Variants in RAI14 observed in about 807,000 individuals in gnomAD.
RAI14 encodes retinoic acid induced 14.
In RAI14, 45 loss-of-function variants were observed where a neutral mutation model predicts 115.4. That is an observed-to-expected ratio of 0.39 (90% CI 0.31 to 0.50). The LOEUF (loss-of-function observed/expected upper bound fraction) is 0.50. Among genes scored for constraint, RAI14 ranks in the 20% least tolerant of loss-of-function variants. The pLI is 0.85. For synonymous variants in RAI14, 371 were observed against 415.4 expected, an observed-to-expected ratio of 0.89 and a Z score of 1.30; for missense variants, 939 against 1,131.2, an observed-to-expected ratio of 0.83 and a Z score of 2.44.
Position 34,805,951 on chromosome 5 carries a change from G to A in RAI14, c.322-1849G>A, listed in dbSNP as rs1177727141. On this transcript the variant is annotated intron_variant, in intron 5 of 17. Transcript: ENST00000265109. The stretch of plus-strand genomic sequence containing the variant: ...CTGTGTTTCTTGGGCACTGTGCACC[G>A]TGTCAAGCAGTGACAAACAGCAGCC... Among the ~76,000 whole-genome samples the A allele has an allele frequency of 2.6e-5, 4 of 152,274 alleles. No individual in the cohort carries two copies. The East Asian group carries it at 5.8e-4, about 22-fold the overall frequency.
intron 2 of RAI14, among the ~76,000 whole-genome samples, chr5:34,724,902 T>C (rs1412627849): frequency 6.6e-6 from 1 of 152,202 alleles, no homozygotes; most frequent in African/African-American, 2.4e-5. Flanking sequence ...TAAATTGAAG[T>C]TGCTTTTCTA....
Position 34,757,404 on chromosome 5 carries a change from CTGCTGGTCAGTGCGGCTGT to C in RAI14, c.37-63_37-45del, listed in dbSNP as rs376336381. 7.8e-4 allele frequency: 1,237 copies of C among 1,587,200 alleles called. 7 individuals carry two copies. The African/African-American group carries it at 0.015, about 19-fold the overall frequency. ...GGTGGGGGCTGCGAGGACTGCAGCC[CTGCTGGTCAGTGCGGCTGT>C]GGCCAGTGTTGTTCATGACCTCTGT... On this transcript the variant is annotated intron_variant, in intron 2 of 17. Transcript: ENST00000265109.
At chr5:34,672,391 G>C (rs193247261) in intron 1 of RAI14, among the ~76,000 whole-genome samples, 2 of 152,050 alleles carry the variant, frequency 1.3e-5, no homozygotes, top group East Asian at 1.9e-4. Context: ...GTGGGGTGTG[G>C]GGGGGGAGCA....
At chr5:34,664,732 A>G (rs1022262357) in intron 1 of RAI14, among the ~76,000 whole-genome samples, 15 of 151,574 alleles carry the variant, frequency 9.9e-5, no homozygotes, top group Non-Finnish European at 1.6e-4. Context: ...CCTGAGCAGT[A>G]TACGCTGCAT....
rs181035955 is a variant in RAI14, at chr5:34,670,142, A to G, written c.-49+13667A>G. Among the ~76,000 whole-genome samples, 14 of 152,376 alleles carry G rather than the reference A, an allele frequency of 9.2e-5. No individual in the cohort carries two copies. The East Asian group carries it at 2.1e-3, about 23-fold the overall frequency. On this transcript the variant is annotated intron_variant, in intron 1 of 17. Transcript: ENST00000265109. ...ATTCGTATTTCCTAGAGGGACCTCTATGTGCCAGCAGTAATTCTGAGGACT... is the reference window on the plus strand; with the variant it reads ...ATTCGTATTTCCTAGAGGGACCTCTGTGTGCCAGCAGTAATTCTGAGGACT...
At chr5:34,727,676 G>T (rs965890294) in intron 2 of RAI14, among the ~76,000 whole-genome samples, 2 of 152,216 alleles carry the variant, frequency 1.3e-5, no homozygotes, top group Non-Finnish European at 2.9e-5. Context: ...GCTTCAGAGG[G>T]TGCAAGCCTC....
At chr5:34,741,389 A>G (rs1745491415) in intron 2 of RAI14, among the ~76,000 whole-genome samples, 1 of 152,194 alleles carries the variant, frequency 6.6e-6, no homozygotes, top group African/African-American at 2.4e-5. Flanking sequence ...TTAGCCCTAC[A>G]CTGTTCCCCT....
chr5:34,715,627 C>G (rs187329218), intron 2 of RAI14, among the ~76,000 whole-genome samples: 1 of 152,156 alleles, frequency 6.6e-6, no homozygotes, highest in East Asian at 1.9e-4. Flanking sequence ...TCCCACCCCT[C>G]GAGTAAAATC....
At position 34,813,554 on chromosome 5, in the gene RAI14, T is replaced by C; in HGVS notation, c.766-20T>C. ...ACCAAACTAACCCACCTCCATTCTT[T>C]GGACTGTGATAACTTTCAGCATGAC... On this transcript the variant is annotated intron_variant, in intron 10 of 17. Transcript: ENST00000265109. 1 of 1,591,588 alleles carries C rather than the reference T, an allele frequency of 6.3e-7. No individual in the cohort carries two copies. Among genetic ancestry groups the C allele is most frequent in the Non-Finnish European group, 8.6e-7 (1 of 1,161,374 alleles).
At chr5:34,780,869 G>T (rs138283938) in intron 3 of RAI14, among the ~76,000 whole-genome samples, 4,107 of 152,078 alleles carry the variant, frequency 0.027, 191 homozygotes, top group African/African-American at 0.093. Context: ...CGCATTACTG[G>T]GTATATACCC....
At chr5:34,818,955 C>T (rs1313787451) in intron 13 of RAI14, 104 bp downstream of exon 13, 2 of 1,035,194 alleles carry the variant, frequency 1.9e-6, no homozygotes, top group Non-Finnish European at 2.9e-6. Context: ...AAAAATGTCA[C>T]AAGCCAGCAT....
intron 3 of RAI14, among the ~76,000 whole-genome samples, chr5:34,763,523 C>T (rs1267517204): frequency 1.3e-5 from 2 of 152,098 alleles, no homozygotes; most frequent in Admixed American, 6.6e-5. Flanking sequence ...GGAGGTACTC[C>T]CTGGGTCCAA....
Position 34,830,735 on chromosome 5 carries a change from C to A in RAI14, c.2913C>A (p.Thr971=). Residue 971 remains threonine (T), a synonymous_variant, in exon 18 of 18, where the codon ACC becomes ACA. Coordinates refer to ENST00000265109, the MANE Select transcript of RAI14 (RefSeq NM_015577.3). ...DVQKVLKQIL[T]MCKNQSQKK is the part of the protein sequence containing the mutation. ...AGAAAGTACTGAAGCAAATCCTTAC[C>A]ATGTGTAAAAACCAGTCTCAAAAGA... 1 of 1,614,158 alleles carries A rather than the reference C, an allele frequency of 6.2e-7. No homozygotes were observed. The highest frequency in any genetic ancestry group is 1.1e-5 in the South Asian group (1 of 91,072).
intron 1 of RAI14, among the ~76,000 whole-genome samples, chr5:34,668,127 C>T (rs1160063690): frequency 1.3e-5 from 2 of 152,108 alleles, no homozygotes; most frequent in African/African-American, 4.8e-5. Flanking sequence ...CAGGGGTGGA[C>T]TCACGCGTAT....
intron 2 of RAI14, chr5:34,716,180 A>G: frequency 2.6e-6 from 1 of 390,762 alleles, no homozygotes; most frequent in South Asian, 2.0e-5. Context: ...ACAGATTTCA[A>G]AGGACAAGTA....
At chr5:34,702,434 C>T (rs1365697066) in intron 2 of RAI14, among the ~76,000 whole-genome samples, 3 of 152,138 alleles carry the variant, frequency 2.0e-5, no homozygotes, top group Non-Finnish European at 4.4e-5. Flanking sequence ...GAACCTAGAA[C>T]GAGCCCCTCA....
At chr5:34,658,370 G>A (rs955371303) in intron 1 of RAI14, among the ~76,000 whole-genome samples, 1 of 152,162 alleles carries the variant, frequency 6.6e-6, no homozygotes, top group Non-Finnish European at 1.5e-5. Context: ...GGCTTTAAAA[G>A]TGAAGAAGCA....
intron 4 of RAI14, among the ~76,000 whole-genome samples, chr5:34,799,535 C>A (rs1217928695): frequency 6.1e-3 from 341 of 55,488 alleles, no homozygotes; most frequent in African/African-American, 0.019. Flanking sequence ...CACACACACA[C>A]ACACAAAACC....
intron 2 of RAI14, among the ~76,000 whole-genome samples, chr5:34,752,763 A>ATATG (rs1554051554): frequency 8.0e-6 from 1 of 125,374 alleles, no homozygotes; most frequent in Non-Finnish European, 1.6e-5. Context: ...ATATATATAT[A>ATATG]TATGTATCTT....
Sources: allele counts gnomAD v4.1 joint callset (sites outside exome capture counted in the v4.1 genomes callset), GRCh38; gene constraint gnomAD v4.1.1; transcripts MANE v1.5; gene names NCBI Gene and HGNC (gene_info 2026-07-23, HGNC 2026-07-21).